MYO9A: variants seen among roughly 807,000 people sequenced by gnomAD.
MYO9A encodes myosin IXA.
A neutral mutation model predicts 293.3 loss-of-function variants in MYO9A; 103 were observed. The ratio of observed to expected loss-of-function variants is 0.35; its 90% CI spans 0.30 to 0.41. The LOEUF (loss-of-function observed/expected upper bound fraction) is 0.41, where lower values mean the gene tolerates loss of function less well. Ranked by LOEUF, MYO9A falls within the 10% of genes least tolerant of loss-of-function variation. MYO9A has a pLI of 1.00. For synonymous variants in MYO9A, 1,001 were observed against 1,035.7 expected, an observed-to-expected ratio of 0.97 and a Z score of 0.64; for missense variants, 2,685 against 3,033.0, an observed-to-expected ratio of 0.89 and a Z score of 2.69.
At chr15:72,075,812 T>C (rs2150262836) in intron 1 of MYO9A, among the ~76,000 whole-genome samples, 1 of 152,040 alleles carries the variant, frequency 6.6e-6, no homozygotes, top group Non-Finnish European at 1.5e-5. Flanking sequence ...ACTAAAGTAA[T>C]TTCTTCAGAC....
intron 25 of MYO9A, among the ~76,000 whole-genome samples, chr15:71,896,254 G>C (rs2143014206): frequency 6.6e-6 from 1 of 152,008 alleles, no homozygotes; most frequent in African/African-American, 2.4e-5. Context: ...TAAATGTTTG[G>C]GTTATATATA....
chr15:71,905,058 C>CA, intron 19 of MYO9A, 52 bp from the exon 20 acceptor site: 4 of 1,424,714 alleles, frequency 2.8e-6, no homozygotes, highest in Non-Finnish European at 3.9e-6. Context: ...AAACTATTAA[C>CA]AAATAATTTA....
intron 34 of MYO9A, among the ~76,000 whole-genome samples, chr15:71,857,739 T>A (rs922533839): frequency 2.0e-5 from 3 of 151,936 alleles, no homozygotes; most frequent in Non-Finnish European, 2.9e-5. Flanking sequence ...TAAAAGTATA[T>A]AAAGGTACAT....
At chr15:71,838,304 T>C (rs947396200) in intron 39 of MYO9A, among the ~76,000 whole-genome samples, 3 of 152,140 alleles carry the variant, frequency 2.0e-5, no homozygotes, top group South Asian at 2.1e-4. Context: ...ATGGTCATTT[T>C]TGTCACACAA....
chr15:71,981,131 A>T (rs1232150462), intron 11 of MYO9A, among the ~76,000 whole-genome samples: 1 of 152,224 alleles, frequency 6.6e-6, no homozygotes, highest in Non-Finnish European at 1.5e-5. Context: ...TGCTGAAAAA[A>T]AAATCTCCCT....
intron 8 of MYO9A, among the ~76,000 whole-genome samples, chr15:72,005,320 T>C (rs560391059): frequency 2.0e-4 from 31 of 152,286 alleles, no homozygotes; most frequent in Admixed American, 3.3e-4. Context: ...TTTAAACCTA[T>C]AGCTGAGTTC....
intron 1 of MYO9A, among the ~76,000 whole-genome samples, chr15:72,100,829 A>C (rs1051950589): frequency 4.7e-5 from 7 of 150,228 alleles, no homozygotes; most frequent in African/African-American, 1.7e-4. Flanking sequence ...GGAAGTGAGG[A>C]GCGTCTCCGC....
chr15:71,870,803 C>G (rs2056486109), intron 32 of MYO9A, among the ~76,000 whole-genome samples: 2 of 152,176 alleles, frequency 1.3e-5, no homozygotes, highest in Admixed American at 1.3e-4. Flanking sequence ...CAATGGACAG[C>G]AAATTCAAGT....
chr15:71,930,964 T>C (rs1248179340), intron 18 of MYO9A, among the ~76,000 whole-genome samples: 1 of 152,196 alleles, frequency 6.6e-6, no homozygotes, highest in Non-Finnish European at 1.5e-5. Flanking sequence ...CCCTACACTT[T>C]TACTCACCCT....
chr15:72,002,598 A>G (rs2076899664), intron 8 of MYO9A, among the ~76,000 whole-genome samples: 4 of 152,226 alleles, frequency 2.6e-5, no homozygotes, highest in Admixed American at 2.6e-4. Flanking sequence ...TGGAATGACA[A>G]AAAGCCAAGT....
At chr15:72,100,773 C>T (rs1308659611) in intron 1 of MYO9A, among the ~76,000 whole-genome samples, 1 of 151,048 alleles carries the variant, frequency 6.6e-6, no homozygotes, top group African/African-American at 2.4e-5. Context: ...GCAGCTGCCC[C>T]GTCTGAGAAA....
rs182255942 is a variant in MYO9A at position 72,090,469 on chromosome 15, G to A, written c.-72+27211C>T. Among the ~76,000 whole-genome samples the A allele has an allele frequency of 4.6e-4, 70 of 152,224 alleles. 1 individual carries two copies. The East Asian group carries it at 0.011, about 24-fold the overall frequency. Reference sequence around the variant, plus strand: ...TATAGACAAGTGCTTCATCCTATCAGCCTAACAACCTATAAATGTCCCTGT... The same window carrying A: ...TATAGACAAGTGCTTCATCCTATCAACCTAACAACCTATAAATGTCCCTGT... On this transcript the variant is annotated intron_variant, in intron 1 of 41. Coordinates refer to ENST00000356056, the MANE Select transcript of MYO9A (RefSeq NM_006901.4).
chr15:72,025,430 G>A (rs904592707), intron 4 of MYO9A, among the ~76,000 whole-genome samples: 1 of 152,076 alleles, frequency 6.6e-6, no homozygotes, highest in East Asian at 1.9e-4. Context: ...GCGAGACCTC[G>A]GCTCATTGCA....
intron 1 of MYO9A, among the ~76,000 whole-genome samples, chr15:72,053,901 C>A (rs2078643645): frequency 6.6e-6 from 1 of 151,952 alleles, no homozygotes; most frequent in African/African-American, 2.4e-5. Flanking sequence ...AGAAAAAAGT[C>A]AGAATAGGTA....
intron 30 of MYO9A, among the ~76,000 whole-genome samples, chr15:71,878,472 C>G (rs1025153935): frequency 1.3e-5 from 2 of 152,030 alleles, no homozygotes; most frequent in African/African-American, 4.8e-5. Flanking sequence ...TTGAGGAAGT[C>G]TTGAGAATTT....
intron 8 of MYO9A, among the ~76,000 whole-genome samples, chr15:72,002,006 C>T (rs977891243): frequency 6.6e-6 from 1 of 152,128 alleles, no homozygotes; most frequent in Non-Finnish European, 1.5e-5. Flanking sequence ...TGAGGTGGCT[C>T]ACACCTATAA....
intron 18 of MYO9A, among the ~76,000 whole-genome samples, chr15:71,923,947 G>A (rs191022359): frequency 6.6e-6 from 1 of 152,014 alleles, no homozygotes; most frequent in African/African-American, 2.4e-5. Context: ...GTGGTTTACT[G>A]GAGATCTTTC....
chr15:72,038,062 G>A (rs73436318), intron 2 of MYO9A, among the ~76,000 whole-genome samples: 3,422 of 152,116 alleles, frequency 0.022, 126 homozygotes, highest in African/African-American at 0.08. Context: ...GACTACAGGT[G>A]CATACCAACA....
intron 1 of MYO9A, among the ~76,000 whole-genome samples, chr15:72,055,889 T>C (rs1459755527): frequency 1.3e-5 from 2 of 152,164 alleles, no homozygotes; most frequent in Admixed American, 6.5e-5. Context: ...ATTCACTATA[T>C]GTAAAATACA....
Sources: gnomAD v4.1 joint callset for allele counts (sites outside exome capture counted in the v4.1 genomes callset) on GRCh38, gnomAD v4.1.1 for gene constraint, MANE v1.5 for transcripts, NCBI Gene and HGNC (gene_info 2026-07-23, HGNC 2026-07-21) for gene names.